Variants in ASTN2 observed in about 807,000 individuals in gnomAD.
The protein encoded by ASTN2 is astrotactin 2, also known as astrotactin-2.
Under a neutral mutation model 139.8 loss-of-function variants are expected in ASTN2, and 54 were observed. The ratio of observed to expected loss-of-function variants is 0.39; its 90% CI spans 0.31 to 0.48. The LOEUF (loss-of-function observed/expected upper bound fraction) is 0.48. Ranked by LOEUF, ASTN2 falls within the 20% of genes least tolerant of loss-of-function variation. The probability of loss-of-function intolerance (pLI) is 0.95; values close to 1 mark genes in which losing one functional copy is unlikely to be tolerated. For missense variants in ASTN2, 1,565 were observed against 1,725.1 expected (o/e 0.91, Z 1.64); for synonymous variants, 756 against 719.5 (o/e 1.05, Z -0.81).
intron 10 of ASTN2, among the ~76,000 whole-genome samples, chr9:116,904,019 G>T (rs373686573): frequency 5.3e-5 from 8 of 152,286 alleles, no homozygotes; most frequent in African/African-American, 1.7e-4. Context: ...GCCTCCCCTA[G>T]TCTCCCAGGG....
intron 3 of ASTN2, among the ~76,000 whole-genome samples, chr9:117,168,895 C>A (rs193292648): frequency 1.3e-5 from 2 of 151,932 alleles, no homozygotes; most frequent in East Asian, 1.9e-4. Context: ...ACTTGTAGTG[C>A]GAAAAACAAT....
At chr9:117,314,220 A>G (rs1427907540) in intron 1 of ASTN2, among the ~76,000 whole-genome samples, 2 of 152,104 alleles carry the variant, frequency 1.3e-5, no homozygotes, top group Admixed American at 1.3e-4. Context: ...CACAGAGTTA[A>G]CCTCCCCACC....
At chr9:117,167,270 C>A (rs192424727) in intron 3 of ASTN2, among the ~76,000 whole-genome samples, 1 of 146,696 alleles carries the variant, frequency 6.8e-6, no homozygotes, top group Non-Finnish European at 1.5e-5. Flanking sequence ...CACACCAAAA[C>A]CTTTTTTTTC....
chr9:116,767,970 T>G (rs10081687), intron 13 of ASTN2, among the ~76,000 whole-genome samples: 1 of 151,974 alleles, frequency 6.6e-6, no homozygotes, highest in South Asian at 2.1e-4. Context: ...AGACAAATGT[T>G]ACTAAACACC....
At chr9:117,282,237 A>G (rs1834342991) in intron 2 of ASTN2, among the ~76,000 whole-genome samples, 1 of 152,122 alleles carries the variant, frequency 6.6e-6, no homozygotes, top group Admixed American at 6.5e-5. Context: ...TAGTTTCTCA[A>G]TCAACATGGG....
chr9:116,481,075 G>T (rs1849152492), intron 20 of ASTN2, among the ~76,000 whole-genome samples: 2 of 152,176 alleles, frequency 1.3e-5, no homozygotes, highest in Non-Finnish European at 2.9e-5. Context: ...ATCCTATTAT[G>T]ATTCAGTTTT....
chr9:116,426,138 T>G (rs771200840), intron 22 of ASTN2, 50 bp from the exon 23 acceptor site: 5 of 1,597,538 alleles, frequency 3.1e-6, no homozygotes, highest in African/African-American at 2.7e-5. Flanking sequence ...AGATCAAGAG[T>G]TAGACCTTTG....
In ASTN2 at chr9:116,729,046, G is replaced by A. The variant is rs754101258; in HGVS notation, c.2572C>T (p.Arg858Trp). ...ACACGGTAGAGGTTGCTCCGGACCC[G>A]CCACTGCTGCACCATGGGGTAACCC... is the stretch of plus-strand genomic sequence containing the variant. Reference protein sequence around the residue: ...AMGYPMVQQWRVRSNLYRVKL... With the variant: ...AMGYPMVQQWWVRSNLYRVKL... The change falls in exon 15 of 23, where the codon CGG becomes TGG. Residue 858 changes from arginine to tryptophan, a missense_variant. Coordinates refer to ENST00000313400, the MANE Select transcript of ASTN2 (RefSeq NM_001365068.1). 60 of 1,598,036 alleles carry A rather than the reference G, an allele frequency of 3.8e-5. No homozygotes were observed. The highest frequency in any genetic ancestry group is 6.8e-5 in the East Asian group (3 of 44,358).
At chr9:117,275,773 C>T (rs1256745577) in intron 2 of ASTN2, among the ~76,000 whole-genome samples, 1 of 152,016 alleles carries the variant, frequency 6.6e-6, no homozygotes, top group African/African-American at 2.4e-5. Context: ...GCCATGTTGA[C>T]CAGGCTGTTC....
At chr9:116,662,481 G>A (rs1227540318) in intron 16 of ASTN2, among the ~76,000 whole-genome samples, 2 of 151,960 alleles carry the variant, frequency 1.3e-5, no homozygotes, top group Non-Finnish European at 2.9e-5. Flanking sequence ...GCTGAGGCAG[G>A]AGAATCACTT....
At chr9:116,967,877 TG>T (rs1836062055) in intron 10 of ASTN2, among the ~76,000 whole-genome samples, 1 of 152,152 alleles carries the variant, frequency 6.6e-6, no homozygotes, top group South Asian at 2.1e-4. Context: ...CAATGCACAA[TG>T]TGATCCAGAG....
chr9:117,270,835 T>C (rs1360171682), intron 2 of ASTN2, among the ~76,000 whole-genome samples: 1 of 152,218 alleles, frequency 6.6e-6, no homozygotes, highest in East Asian at 1.9e-4. Context: ...TATTATCACT[T>C]AAGTGGAATG....
intron 19 of ASTN2, among the ~76,000 whole-genome samples, chr9:116,534,562 C>G (rs1007262992): frequency 8.5e-5 from 13 of 152,290 alleles, no homozygotes; most frequent in Middle Eastern, 3.4e-3. Context: ...TATGTTATGA[C>G]TTTGTTCTCT....
At chr9:116,690,867 AGT>A (rs1860531818) in intron 16 of ASTN2, among the ~76,000 whole-genome samples, 1 of 152,190 alleles carries the variant, frequency 6.6e-6, no homozygotes, top group Non-Finnish European at 1.5e-5. Flanking sequence ...TTGCTTTAAG[AGT>A]GTTAGCAATT....
intron 3 of ASTN2, among the ~76,000 whole-genome samples, chr9:117,183,437 G>T (rs555112109): frequency 9.1e-4 from 139 of 152,242 alleles, no homozygotes; most frequent in Admixed American, 2.1e-3. Context: ...TTTAAGCATT[G>T]TGACATGTAT....
intron 5 of ASTN2, among the ~76,000 whole-genome samples, chr9:117,093,161 G>C (rs1828749603): frequency 6.6e-6 from 1 of 152,064 alleles, no homozygotes; most frequent in Non-Finnish European, 1.5e-5. Flanking sequence ...GAAAAACAGA[G>C]ATCTGGATAA....
intron 4 of ASTN2, among the ~76,000 whole-genome samples, chr9:117,121,607 T>A (rs1158497197): frequency 6.6e-6 from 1 of 152,216 alleles, no homozygotes. Flanking sequence ...TAGGCTGTGA[T>A]GCAAACAACC....
At chr9:117,214,305 C>T (rs535208152) in intron 3 of ASTN2, 53 bp downstream of exon 3, 240 of 1,531,938 alleles carry the variant, frequency 1.6e-4, no homozygotes, top group Non-Finnish European at 1.9e-4. Flanking sequence ...TGCACCTCTT[C>T]CCATCTTTTC....
chr9:116,718,988 A>ATATATATATATATATATC (rs1197679728), intron 16 of ASTN2, among the ~76,000 whole-genome samples: 1 of 144,370 alleles, frequency 6.9e-6, no homozygotes, highest in Non-Finnish European at 1.5e-5. Flanking sequence ...ATATATATAT[A>ATATATATATATATATATC]TATCTGCCTA....
Sources: allele counts gnomAD v4.1 joint callset (sites outside exome capture counted in the v4.1 genomes callset), GRCh38; gene constraint gnomAD v4.1.1; transcripts MANE v1.5; gene names NCBI Gene and HGNC (gene_info 2026-07-23, HGNC 2026-07-21).